CACNA1I: variants seen among roughly 807,000 people sequenced by gnomAD.
CACNA1I encodes calcium voltage-gated channel subunit alpha1 I.
A neutral mutation model predicts 201.6 loss-of-function variants in CACNA1I; 74 were observed. The observed-to-expected ratio is 0.37, with a 90% CI of 0.30 to 0.45. The LOEUF (loss-of-function observed/expected upper bound fraction) is 0.45, where lower values mean the gene tolerates loss of function less well. Ranked by LOEUF, CACNA1I falls within the 20% of genes least tolerant of loss-of-function variation. CACNA1I has a pLI of 1.00. For synonymous variants in CACNA1I, 1,431 were observed against 1,345.2 expected (o/e 1.06, Z -1.40); for missense variants, 2,346 against 3,138.1 (o/e 0.75, Z 6.03).
At position 39,685,791 on chromosome 22, in the gene CACNA1I, A is replaced by G; in HGVS notation, c.6058A>G (p.Ser2020Gly). 6.7e-7 allele frequency: 1 copy of G among 1,495,678 alleles called. No homozygotes were observed. Among genetic ancestry groups the G allele is most frequent in the Non-Finnish European group, 8.8e-7 (1 of 1,130,096 alleles). 92.7% of individuals were successfully genotyped at this position (1,495,678 alleles called of 1,614,324 possible). A position where few individuals can be genotyped will look rare whatever the true frequency, so the allele number is the denominator to read the frequency against. ...ATGSDTSLDASPSSSAGSLQT... is the reference protein window; with the variant it reads ...ATGSDTSLDAGPSSSAGSLQT... ...CGGGAGCGACACGTCGCTGGACGCC[A>G]GCCCCAGCAGCTCCGCGGGCAGCCT... Residue 2020 changes from serine to glycine, a missense_variant, in exon 37 of 37, where the codon AGC (serine) becomes GGC (glycine). By Grantham distance (56) the Ser-to-Gly change is moderately conservative (BLOSUM62 0). Around this residue, in one of 13 missense-constraint regions of CACNA1I, gnomAD observed 441 missense variants for 555.6 expected, o/e 0.79. Transcript: ENST00000402142. The surrounding 1 kb of genome is among the most constrained non-coding windows in gnomAD (Gnocchi z 5.0).
intron 3 of CACNA1I, among the ~76,000 whole-genome samples, chr22:39,607,914 G>C (rs563108688): frequency 6.0e-5 from 9 of 150,350 alleles, no homozygotes; most frequent in Non-Finnish European, 5.9e-5. Flanking sequence ...GTCACCTGAG[G>C]TCAGGAGTTC....
In CACNA1I at chr22:39,676,182, C is replaced by T. The variant is rs550131071; in HGVS notation, c.4855-1159C>T. On this transcript the variant is annotated intron_variant, in intron 29 of 36. Coordinates refer to ENST00000402142, the MANE Select transcript of CACNA1I (RefSeq NM_021096.4). The surrounding 1 kb of genome is among the most constrained non-coding windows in gnomAD (Gnocchi z 4.8). ...AATCCTGGTTAAGAGATGCTGCCCCCGCCGGCCTGTGCAGGGCACAAAGCT... is the reference window on the plus strand; with the variant it reads ...AATCCTGGTTAAGAGATGCTGCCCCTGCCGGCCTGTGCAGGGCACAAAGCT... Among the ~76,000 whole-genome samples the T allele has an allele frequency of 5.3e-5, 8 of 152,340 alleles. No individual in the cohort carries two copies. The highest frequency in any genetic ancestry group is 1.3e-4 in the Admixed American group (2 of 15,304).
At chr22:39,594,429 A>C (rs1033110759) in intron 1 of CACNA1I, among the ~76,000 whole-genome samples, 2 of 152,210 alleles carry the variant, frequency 1.3e-5, no homozygotes, top group Non-Finnish European at 2.9e-5. Context: ...ACTTCAAAAA[A>C]GTTAATTAAT....
chr22:39,686,629 T>TATATATATGC lies in CACNA1I; in HGVS notation c.*232_*233insGCATATATAT, dbSNP rs1935893076. ...ACATACATATATATATATATATGCA[T>TATATATATGC]ATATATATATATATATATATATATG... On this transcript the variant is annotated 3_prime_UTR_variant, in exon 37 of 37. Transcript: ENST00000402142. The TATATATATGC allele has an allele frequency of 9.1e-6, 1 of 109,322 alleles. No individual in the cohort carries two copies. Among genetic ancestry groups the TATATATATGC allele is most frequent in the Non-Finnish European group, 1.6e-5 (1 of 62,158 alleles). The allele number at this position is 109,322 out of a possible 1,614,324, so 6.8% of individuals were successfully genotyped here. A position where few individuals can be genotyped will look rare whatever the true frequency, so the allele number is the denominator to read the frequency against.
chr22:39,676,145 A>G lies in CACNA1I; in HGVS notation c.4855-1196A>G, dbSNP rs1935506582. 6.6e-6 allele frequency among the ~76,000 whole-genome samples: 1 copy of G among 152,172 alleles called. No homozygotes were observed. Among genetic ancestry groups the G allele is most frequent in the Non-Finnish European group, 1.5e-5 (1 of 68,016 alleles). ...TGACAGCAGGGAGGGGACAGATAGA[A>G]AAGCTGACGGCAATCCTGGTTAAGA... On this transcript the variant is annotated intron_variant, in intron 29 of 36. Coordinates refer to ENST00000402142, the MANE Select transcript of CACNA1I (RefSeq NM_021096.4). This position sits in a 1 kb window ranked among gnomAD's most constrained non-coding sequence, Gnocchi z 4.8.
chr22:39,639,103 C>T (rs1934292584), intron 5 of CACNA1I, among the ~76,000 whole-genome samples: 1 of 152,218 alleles, frequency 6.6e-6, no homozygotes, highest in Non-Finnish European at 1.5e-5. Context: ...AAACTATGGC[C>T]TGTTTTGGTA....
At chr22:39,673,176 G>T in intron 28 of CACNA1I, 94 bp downstream of exon 28, 1 of 864,822 alleles carries the variant, frequency 1.2e-6, no homozygotes, top group Non-Finnish European at 1.8e-6. Context: ...GTGGGGTGGG[G>T]AGGGGTGGGG....
At chr22:39,589,991 C>G (rs532168907) in intron 1 of CACNA1I, among the ~76,000 whole-genome samples, 8 of 152,288 alleles carry the variant, frequency 5.3e-5, no homozygotes, top group Non-Finnish European at 1.2e-4. Flanking sequence ...TCCCAGAGCC[C>G]CCCGAATCAC....
chr22:39,651,160 C>T (rs1284267831), intron 10 of CACNA1I, among the ~76,000 whole-genome samples: 1 of 152,158 alleles, frequency 6.6e-6, no homozygotes, highest in Non-Finnish European at 1.5e-5. Context: ...AAGTCACTGG[C>T]CCGAGGTCCC....
intron 34 of CACNA1I, 112 bp downstream of exon 34, chr22:39,681,164 C>G: frequency 8.2e-7 from 1 of 1,221,306 alleles, no homozygotes; most frequent in East Asian, 2.6e-5. Context: ...ACGGCACCCA[C>G]TGTGCTAGGC....
intron 3 of CACNA1I, among the ~76,000 whole-genome samples, chr22:39,606,259 G>A (rs145282629): frequency 9.2e-4 from 140 of 152,218 alleles, no homozygotes; most frequent in Non-Finnish European, 1.6e-3. Context: ...CCCTTTTGCC[G>A]TCAGGTCATG....
At position 39,660,350 on chromosome 22, in the gene CACNA1I, G is replaced by T; in HGVS notation, c.2611G>T (p.Ala871Ser). ...LVEGFQAEGD[A>S]NRSYSDEDQS... is the part of the protein sequence containing the mutation. ...GTGACGGATGCTCTCCCAGGGTGAC[G>T]CCAATCGCTCCTACTCGGACGAGGA... The change falls in exon 15 of 37, where the codon GCC (alanine) becomes TCC (serine). Residue 871 changes from alanine to serine, a missense_variant. By Grantham distance (99) the Ala-to-Ser change is moderately conservative (BLOSUM62 1). Around this residue, in one of 13 missense-constraint regions of CACNA1I, gnomAD observed 92 missense variants for 114.5 expected, o/e 0.80. Coordinates refer to ENST00000402142, the MANE Select transcript of CACNA1I (RefSeq NM_021096.4). 6.2e-7 allele frequency: 1 copy of T among 1,611,766 alleles called. No individual in the cohort carries two copies. The highest frequency in any genetic ancestry group is 8.5e-7 in the Non-Finnish European group (1 of 1,179,018).
At chr22:39,639,471 T>C (rs1301121335) in intron 5 of CACNA1I, among the ~76,000 whole-genome samples, 1 of 152,234 alleles carries the variant, frequency 6.6e-6, no homozygotes, top group African/African-American at 2.4e-5. Context: ...GTGGTGATGT[T>C]CATTGCATTT....
chr22:39,636,547 C>T (rs547469718), intron 5 of CACNA1I, among the ~76,000 whole-genome samples: 6 of 152,168 alleles, frequency 3.9e-5, no homozygotes, highest in African/African-American at 4.8e-5. Context: ...AGTTCACGCA[C>T]GTCTGGTGGA....
chr22:39,683,103 G>A (rs1041282044), intron 35 of CACNA1I, among the ~76,000 whole-genome samples: 29 of 152,218 alleles, frequency 1.9e-4, no homozygotes, highest in African/African-American at 6.3e-4. Flanking sequence ...TTCAATAGCC[G>A]TTTTGTGAAT....
chr22:39,583,030 A>ATCC (rs1932613638), intron 1 of CACNA1I, among the ~76,000 whole-genome samples: 1 of 126,674 alleles, frequency 7.9e-6, no homozygotes, highest in East Asian at 2.0e-4. Context: ...CCAAGCACCC[A>ATCC]ACCATCCATC....
Position 39,685,459 on chromosome 22 carries a change from G to A in CACNA1I, c.6028-302G>A, listed in dbSNP as rs1935832362. On this transcript the variant is annotated intron_variant, in intron 36 of 36. Transcript: ENST00000402142. The surrounding 1 kb of genome is among the most constrained non-coding windows in gnomAD (Gnocchi z 5.0). ...TGCGGTGGGGGTGCCACGTGCCCTG[G>A]GGGAGGGCGGTGGGCCCAGGGCTTC... 6.6e-6 allele frequency among the ~76,000 whole-genome samples: 1 copy of A among 151,856 alleles called. No homozygotes were observed. The highest frequency in any genetic ancestry group is 1.5e-5 in the Non-Finnish European group (1 of 67,906).
intron 1 of CACNA1I, among the ~76,000 whole-genome samples, chr22:39,583,391 TCCA>T (rs1427943221): frequency 4.0e-5 from 6 of 151,344 alleles, no homozygotes; most frequent in Admixed American, 1.3e-4. Context: ...CATCCATCCA[TCCA>T]TCCATTCATC....
rs549552912 is a variant in CACNA1I, at chr22:39,677,312, C to T, written c.4855-29C>T. ...GGTGCGCCCCCACCCGCTCCCCAGC[C>T]CCACCCGGCCTCACCTGTCCTCCCG... On this transcript the variant is annotated intron_variant, in intron 29 of 36. Coordinates refer to ENST00000402142, the MANE Select transcript of CACNA1I (RefSeq NM_021096.4). This position sits in a 1 kb window ranked among gnomAD's most constrained non-coding sequence, Gnocchi z 4.8. 7.2e-6 allele frequency: 11 copies of T among 1,533,874 alleles called. No individual in the cohort carries two copies. The South Asian group carries it at 8.3e-5, about 12-fold the overall frequency.
Sources: gnomAD v4.1 joint callset for allele counts (sites outside exome capture counted in the v4.1 genomes callset) on GRCh38, gnomAD v4.1.1 for gene constraint, gnomAD v4.1.1 regional missense constraint, Gnocchi (gnomAD v3.1) non-coding constraint, MANE v1.5 for transcripts, NCBI Gene and HGNC (gene_info 2026-07-23, HGNC 2026-07-21) for gene names.